The following MYT1L variants were observed in gnomAD, a reference collection of about 807,000 sequenced individuals.
MYT1L encodes the protein myelin transcription factor 1 like, also known as myelin transcription factor 1-like protein.
MYT1L carries 12 observed loss-of-function variants against 126.7 expected under a neutral mutation model. That is an observed-to-expected ratio of 0.09 (90% confidence interval 0.06 to 0.15). The LOEUF (loss-of-function observed/expected upper bound fraction) is 0.15. Among genes scored for constraint, MYT1L ranks in the 10% least tolerant of loss-of-function variants. The probability of loss-of-function intolerance (pLI) is 1.00; values close to 1 mark genes in which losing one functional copy is unlikely to be tolerated. For missense variants in MYT1L, 979 were observed against 1,585.2 expected, an observed-to-expected ratio of 0.62 and a Z score of 6.49; for synonymous variants, 541 against 604.2, an observed-to-expected ratio of 0.90 and a Z score of 1.53.
intron 9 of MYT1L, among the ~76,000 whole-genome samples, chr2:1,927,331 C>T (rs181101490): frequency 3.7e-4 from 56 of 152,272 alleles, no homozygotes; most frequent in Admixed American, 2.6e-3. Flanking sequence ...ATTTATGAAA[C>T]GTTTTAGGGT....
chr2:2,030,176 C>A (rs764274916), intron 4 of MYT1L, among the ~76,000 whole-genome samples: 19 of 152,300 alleles, frequency 1.2e-4, no homozygotes, highest in African/African-American at 4.1e-4. Flanking sequence ...CAGCTCACTG[C>A]AACCTGTGCC....
chr2:1,879,168 A>T (rs1001311340), intron 18 of MYT1L, among the ~76,000 whole-genome samples: 3 of 152,186 alleles, frequency 2.0e-5, no homozygotes, highest in African/African-American at 7.2e-5. Flanking sequence ...TTCACTCAAG[A>T]AAGCGCCTGG....
intron 3 of MYT1L, among the ~76,000 whole-genome samples, chr2:2,136,455 G>A (rs762388437): frequency 2.0e-5 from 3 of 152,116 alleles, no homozygotes; most frequent in African/African-American, 4.8e-5. Flanking sequence ...TCTCAGCTCT[G>A]GGTAACAGTT....
chr2:2,293,362 C>G (rs942610500), intron 1 of MYT1L, among the ~76,000 whole-genome samples: 1 of 152,218 alleles, frequency 6.6e-6, no homozygotes, highest in African/African-American at 2.4e-5. Context: ...GTCCCCAGTG[C>G]CCAGGTACTA....
intron 4 of MYT1L, among the ~76,000 whole-genome samples, chr2:2,034,364 C>T (rs1393897613): frequency 4.4e-4 from 44 of 100,344 alleles, no homozygotes; most frequent in South Asian, 4.1e-3. Flanking sequence ...CCCTCCAATG[C>T]GGGTGCAGAA....
Position 2,099,408 on chromosome 2 carries a change from C to T in MYT1L, c.-303-45285G>A, listed in dbSNP as rs142817711. On this transcript the variant is annotated intron_variant, in intron 3 of 24. Coordinates refer to ENST00000647738, the MANE Select transcript of MYT1L (RefSeq NM_001303052.2). ...AAAATTAGGAAACTAAGGGCTAATT[C>T]ATAAAAGTTTCTGAAAGGCTCATGG... Among the ~76,000 whole-genome samples the T allele has an allele frequency of 1.3e-3, 195 of 151,036 alleles. 1 individual carries two copies. Among genetic ancestry groups the T allele is most frequent in the African/African-American group, 4.1e-3 (167 of 41,124 alleles).
intron 2 of MYT1L, among the ~76,000 whole-genome samples, chr2:2,210,869 C>A (rs1280220935): frequency 6.6e-6 from 1 of 151,982 alleles, no homozygotes; most frequent in Non-Finnish European, 1.5e-5. Context: ...ACATGGAATA[C>A]CTTTCCATTT....
intron 23 of MYT1L, among the ~76,000 whole-genome samples, chr2:1,796,114 C>T (rs202198392): frequency 1.3e-5 from 2 of 152,208 alleles, no homozygotes; most frequent in Admixed American, 6.5e-5. Flanking sequence ...CACCACGTGA[C>T]GCTGTGTTGA....
At chr2:2,079,562 G>A (rs529729717) in intron 3 of MYT1L, among the ~76,000 whole-genome samples, 2 of 152,256 alleles carry the variant, frequency 1.3e-5, no homozygotes, top group Non-Finnish European at 2.9e-5. Context: ...TCCCAGCACT[G>A]TGGGAGGCCA....
Position 1,979,306 on chromosome 2 carries a change from G to A in MYT1L, c.90-79C>T. ...AAAGCTTCCGTGGCAGCAGAGAGAAGGAGGGCGGCTCAGACAGAGGAGAGA... is the reference window on the plus strand; with the variant it reads ...AAAGCTTCCGTGGCAGCAGAGAGAAAGAGGGCGGCTCAGACAGAGGAGAGA... On this transcript the variant is annotated intron_variant, in intron 7 of 24. Coordinates refer to ENST00000647738, the MANE Select transcript of MYT1L (RefSeq NM_001303052.2). The surrounding 1 kb of genome is among the most constrained non-coding windows in gnomAD (Gnocchi z 4.0). The A allele has an allele frequency of 7.4e-7, 1 of 1,342,736 alleles. No individual in the cohort carries two copies. The highest frequency in any genetic ancestry group is 1.8e-5 in the Admixed American group (1 of 54,876). 83.2% of individuals were successfully genotyped at this position (1,342,736 alleles called of 1,614,324 possible).
intron 3 of MYT1L, among the ~76,000 whole-genome samples, chr2:2,112,735 C>T (rs927107026): frequency 2.0e-5 from 3 of 152,192 alleles, no homozygotes; most frequent in African/African-American, 7.2e-5. Flanking sequence ...ACTCTCAGAA[C>T]TAAGAAAGCA....
rs554448959 is a variant in MYT1L at position 2,096,997 on chromosome 2, C to T, written c.-303-42874G>A. 1.1e-4 allele frequency among the ~76,000 whole-genome samples: 17 copies of T among 152,192 alleles called. No individual in the cohort carries two copies. The East Asian group carries it at 2.1e-3, about 19-fold the overall frequency. ...GCCAGCGGCGGCCAGGCTGCAGCGT[C>T]CTTCATCCTTGTGGTCCCAGTCTCC... On this transcript the variant is annotated intron_variant, in intron 3 of 24. Coordinates refer to ENST00000647738, the MANE Select transcript of MYT1L (RefSeq NM_001303052.2).
At chr2:1,809,526 C>A (rs1392870917) in intron 21 of MYT1L, among the ~76,000 whole-genome samples, 1 of 152,072 alleles carries the variant, frequency 6.6e-6, no homozygotes, top group Non-Finnish European at 1.5e-5. Flanking sequence ...GCTTAAAAAT[C>A]TTTATTATGG....
chr2:2,132,500 C>T (rs2082502482), intron 3 of MYT1L, among the ~76,000 whole-genome samples: 1 of 149,960 alleles, frequency 6.7e-6, no homozygotes, highest in Non-Finnish European at 1.5e-5. Context: ...CACATGTTCT[C>T]ACTCATAAGT....
intron 5 of MYT1L, among the ~76,000 whole-genome samples, chr2:1,986,555 AGTG>A (rs2061038215): frequency 6.6e-6 from 1 of 152,240 alleles, no homozygotes; most frequent in South Asian, 2.1e-4. Context: ...TAATCGAGGC[AGTG>A]GTGATGCTTT....
chr2:2,242,108 G>C (rs185369231), intron 2 of MYT1L, among the ~76,000 whole-genome samples: 1 of 152,074 alleles, frequency 6.6e-6, no homozygotes, highest in Non-Finnish European at 1.5e-5. Context: ...AAAGGAAAAG[G>C]AAAAAATGTC....
intron 2 of MYT1L, among the ~76,000 whole-genome samples, chr2:2,179,118 C>T (rs928898331): frequency 6.6e-6 from 1 of 152,116 alleles, no homozygotes; most frequent in Non-Finnish European, 1.5e-5. Context: ...CACCCAATGC[C>T]CCCACACACA....
intron 3 of MYT1L, among the ~76,000 whole-genome samples, chr2:2,099,417 T>C (rs2077797602): frequency 6.6e-6 from 1 of 152,162 alleles, no homozygotes; most frequent in Non-Finnish European, 1.5e-5. Flanking sequence ...TCATAAAAGT[T>C]TCTGAAAGGC....
At chr2:1,872,285 C>T (rs973292558) in intron 18 of MYT1L, among the ~76,000 whole-genome samples, 2 of 152,188 alleles carry the variant, frequency 1.3e-5, no homozygotes, top group African/African-American at 4.8e-5. Context: ...CTCACCCTCA[C>T]ACACATGTCA....
Sources: allele counts gnomAD v4.1 joint callset (sites outside exome capture counted in the v4.1 genomes callset), GRCh38; gene constraint gnomAD v4.1.1; non-coding constraint Gnocchi (gnomAD v3.1); transcripts MANE v1.5; gene names NCBI Gene and HGNC (gene_info 2026-07-23, HGNC 2026-07-21).